Variants in WWOX observed in about 807,000 individuals in gnomAD.
WWOX encodes the protein WW domain-containing oxidoreductase.
In WWOX, 69 loss-of-function variants were observed where a neutral mutation model predicts 46.2. The ratio of observed to expected loss-of-function variants is 1.49; its 90% CI spans 1.23 to 1.82. The LOEUF (loss-of-function observed/expected upper bound fraction) is 1.82, where lower values mean the gene tolerates loss of function less well. WWOX is among the 40% of genes most tolerant of loss of function. The pLI, the probability that WWOX is intolerant of heterozygous loss-of-function variation, is 0.00. For synonymous variants in WWOX, 359 were observed against 202.6 expected, an observed-to-expected ratio of 1.77 and a Z score of -6.56; for missense variants, 919 against 542.6, an observed-to-expected ratio of 1.69 and a Z score of -6.89.
intron 8 of WWOX, among the ~76,000 whole-genome samples, chr16:78,513,109 T>G (rs2085403226): frequency 6.6e-6 from 1 of 152,246 alleles, no homozygotes; most frequent in African/African-American, 2.4e-5. Flanking sequence ...AACTGGTTTG[T>G]ATTTTCATTC....
intron 8 of WWOX, among the ~76,000 whole-genome samples, chr16:78,915,643 AGAT>A (rs1346166827): frequency 6.6e-6 from 1 of 152,144 alleles, no homozygotes; most frequent in Non-Finnish European, 1.5e-5. Context: ...TTGACTCAGA[AGAT>A]AGTTTCTTAC....
chr16:78,483,405 G>T (rs1289427420), intron 8 of WWOX, among the ~76,000 whole-genome samples: 2 of 145,606 alleles, frequency 1.4e-5, no homozygotes, highest in African/African-American at 2.6e-5. Flanking sequence ...TTTTCTTTTT[G>T]CCGGCATCTG....
chr16:78,420,655 T>TTTTTTC (rs2082905199), intron 6 of WWOX, among the ~76,000 whole-genome samples: 1 of 151,690 alleles, frequency 6.6e-6, no homozygotes, highest in African/African-American at 2.4e-5. Context: ...TTGCTAATTT[T>TTTTTTC]TTTTTTTTTT....
At chr16:78,832,749 A>G (rs749057522) in intron 8 of WWOX, among the ~76,000 whole-genome samples, 1 of 152,166 alleles carries the variant, frequency 6.6e-6, no homozygotes, top group Non-Finnish European at 1.5e-5. Context: ...GGTGGAGCAT[A>G]CAGGCCAGCA....
At chr16:78,934,194 C>G (rs534667837) in intron 8 of WWOX, among the ~76,000 whole-genome samples, 18 of 151,768 alleles carry the variant, frequency 1.2e-4, no homozygotes, top group Admixed American at 5.3e-4. Flanking sequence ...AGAAATTAGC[C>G]TGACATGGTG....
chr16:78,784,410 C>T (rs1007309099), intron 8 of WWOX, among the ~76,000 whole-genome samples: 11 of 151,892 alleles, frequency 7.2e-5, no homozygotes, highest in African/African-American at 2.7e-4. Flanking sequence ...TAGTTTTTCT[C>T]CACCCAGGAG....
chr16:78,506,693 G>GT, intron 8 of WWOX: 1 of 126,738 alleles, frequency 7.9e-6, no homozygotes, highest in South Asian at 2.4e-4. Context: ...ACCTTTTTGT[G>GT]TGTTTTTTTT....
chr16:78,938,782 A>G (rs559794225), intron 8 of WWOX, among the ~76,000 whole-genome samples: 2 of 152,188 alleles, frequency 1.3e-5, no homozygotes, highest in South Asian at 4.1e-4. Flanking sequence ...GGCCCATTAT[A>G]CCAGATAAAG....
At chr16:78,330,937 ACCTCATAATACAAATAATCTAGTCTTTT>A (rs1161409547) in intron 5 of WWOX, among the ~76,000 whole-genome samples, 1 of 152,140 alleles carries the variant, frequency 6.6e-6, no homozygotes, top group Non-Finnish European at 1.5e-5. Context: ...TTTAAACACA[ACCTCATAATACAAATAATCTAGTCTTTT>A]CTGGAGCAGT....
At chr16:78,851,918 C>CT (rs554559456) in intron 8 of WWOX, among the ~76,000 whole-genome samples, 6 of 152,198 alleles carry the variant, frequency 3.9e-5, no homozygotes, top group Non-Finnish European at 7.3e-5. Context: ...TCATGCCCAT[C>CT]TTCAGCATCA....
intron 8 of WWOX, among the ~76,000 whole-genome samples, chr16:78,912,540 T>C (rs181153948): frequency 6.6e-6 from 1 of 152,150 alleles, no homozygotes; most frequent in Admixed American, 6.5e-5. Flanking sequence ...CTTCCCTGAG[T>C]GCCTTGTTGG....
At chr16:78,655,803 G>A (rs542341408) in intron 8 of WWOX, among the ~76,000 whole-genome samples, 1 of 152,268 alleles carries the variant, frequency 6.6e-6, no homozygotes, top group South Asian at 2.1e-4. Flanking sequence ...GTGATTTGAA[G>A]CCTTATTTAG....
At chr16:79,018,905 C>T (rs1040455286) in intron 8 of WWOX, among the ~76,000 whole-genome samples, 1 of 151,992 alleles carries the variant, frequency 6.6e-6, no homozygotes, top group Admixed American at 6.6e-5. Flanking sequence ...AATCCCAACA[C>T]TTTGGGAGGA....
intron 8 of WWOX, chr16:79,196,579 C>G (rs2051244758): frequency 6.6e-6 from 1 of 152,146 alleles, no homozygotes; most frequent in Admixed American, 6.6e-5. Context: ...ATTTCCAATC[C>G]CATAAGCAGC....
chr16:78,803,426 G>A (rs545627320), intron 8 of WWOX, among the ~76,000 whole-genome samples: 32 of 152,190 alleles, frequency 2.1e-4, no homozygotes, highest in African/African-American at 7.7e-4. Context: ...GTGCAGAAAA[G>A]TATTACGTGG....
In WWOX at chr16:78,897,716, C is replaced by G. The variant is rs543128914; in HGVS notation, c.1057-313892C>G. The G allele has an allele frequency of 3.3e-5, 5 of 152,198 alleles. No homozygotes were observed. In the East Asian group the frequency reaches 9.6e-4, roughly 29 times the overall value. The allele number at this position is 152,198 out of a possible 1,614,324, so 9.4% of individuals were successfully genotyped here. On this transcript the variant is annotated intron_variant, in intron 8 of 8. Coordinates refer to ENST00000566780, the MANE Select transcript of WWOX (RefSeq NM_016373.4). ...ATACCTAGGTGTGAAATTATTGACT[C>G]TTAGTGTTTAACTTGTAAGAATGCT...
At chr16:78,449,227 C>T (rs377622655) in intron 8 of WWOX, among the ~76,000 whole-genome samples, 1 of 152,094 alleles carries the variant, frequency 6.6e-6, no homozygotes, top group Non-Finnish European at 1.5e-5. Context: ...CTGGCTTTAT[C>T]GAAGCATGTA....
chr16:78,569,361 G>C (rs1383453593), intron 8 of WWOX, among the ~76,000 whole-genome samples: 1 of 152,010 alleles, frequency 6.6e-6, no homozygotes, highest in African/African-American at 2.4e-5. Context: ...CATTTGAGTT[G>C]GTTTAAAATA....
At chr16:79,203,406 A>G (rs538254572) in intron 8 of WWOX, 1 of 151,960 alleles carries the variant, frequency 6.6e-6, no homozygotes, top group East Asian at 1.9e-4. Flanking sequence ...GATCTGAATT[A>G]TTGCAAAGTA....
Sources: gnomAD v4.1 joint callset for allele counts (sites outside exome capture counted in the v4.1 genomes callset) on GRCh38, gnomAD v4.1.1 for gene constraint, MANE v1.5 for transcripts, NCBI Gene and HGNC (gene_info 2026-07-23, HGNC 2026-07-21) for gene names.